TBC1D13: variants seen among roughly 807,000 people sequenced by gnomAD.
TBC1D13 encodes the protein epididymis secretory sperm binding protein.
A neutral mutation model predicts 53.6 loss-of-function variants in TBC1D13; 40 were observed. The observed-to-expected ratio is 0.75, with a 90% CI of 0.58 to 0.97. The LOEUF is 0.97. Among genes scored for constraint, TBC1D13 ranks in the 50% least tolerant of loss-of-function variants. TBC1D13 has a pLI of 0.00. For synonymous variants in TBC1D13, 182 were observed against 197.7 expected (o/e 0.92, Z 0.67); for missense variants, 377 against 499.4 (o/e 0.75, Z 2.34).
At chr9:128,807,748 G>A (rs150344347) in intron 11 of TBC1D13, 66 bp from the exon 12 acceptor site, 19,109 of 1,538,236 alleles carry the variant, frequency 0.012, 218 homozygotes, top group Non-Finnish European at 0.014. Context: ...TCCCAGCAGG[G>A]AGGGTGTGGG....
intron 6 of TBC1D13, among the ~76,000 whole-genome samples, chr9:128,793,005 T>C (rs1829563173): frequency 6.6e-6 from 1 of 152,186 alleles, no homozygotes; most frequent in Non-Finnish European, 1.5e-5. Context: ...TCGTGGTAAA[T>C]GCTCCTGAAG....
intron 9 of TBC1D13, among the ~76,000 whole-genome samples, chr9:128,805,103 T>C (rs1829808633): frequency 6.6e-6 from 1 of 152,130 alleles, no homozygotes; most frequent in East Asian, 1.9e-4. Context: ...CCTAGCACTT[T>C]GGGAGACTGA....
intron 8 of TBC1D13, 75 bp downstream of exon 8, chr9:128,803,535 G>C (rs1054598906): frequency 1.0e-4 from 146 of 1,408,016 alleles, no homozygotes; most frequent in Non-Finnish European, 1.3e-4. Context: ...TCCCTCTCGG[G>C]CCTCTGTTCT....
intron 8 of TBC1D13, 82 bp from the exon 9 acceptor site, chr9:128,803,874 A>C (rs1301461880): frequency 1.3e-6 from 2 of 1,562,680 alleles, no homozygotes; most frequent in Admixed American, 3.5e-5. Flanking sequence ...GGCGGGGCTC[A>C]GAGCAGGGCA....
Position 128,791,588 on chromosome 9 carries a change from C to T in TBC1D13, c.201-6C>T. 1.2e-6 allele frequency: 2 copies of T among 1,614,154 alleles called. No homozygotes were observed. Among genetic ancestry groups the T allele is most frequent in the Non-Finnish European group, 1.7e-6 (2 of 1,179,978 alleles). The stretch of plus-strand genomic sequence containing the variant: ...GGGAATCATCCTTCTCACTTGTCTC[C>T]TGCAGGGAGCTGTATGCCCAGTTCC... On this transcript the variant is annotated splice_polypyrimidine_tract_variant and splice_region_variant and intron_variant, in intron 4 of 11. Coordinates refer to ENST00000372648, the MANE Select transcript of TBC1D13 (RefSeq NM_018201.5).
chr9:128,789,609 A>G (rs2132529320), intron 2 of TBC1D13, among the ~76,000 whole-genome samples: 1 of 152,102 alleles, frequency 6.6e-6, no homozygotes, highest in African/African-American at 2.4e-5. Flanking sequence ...TGAAGATTAA[A>G]TGAAATAATA....
chr9:128,802,616 C>T (rs1018814045), intron 7 of TBC1D13, among the ~76,000 whole-genome samples: 3 of 152,168 alleles, frequency 2.0e-5, no homozygotes, highest in African/African-American at 7.2e-5. Flanking sequence ...CTTGTTTCCT[C>T]ATGGTGGCGT....
rs778964185 is a variant in TBC1D13, at chr9:128,804,038, C to T, written c.837C>T (p.Asp279=). The T allele has an allele frequency of 5.6e-6, 9 of 1,613,972 alleles. No individual in the cohort carries two copies. The African/African-American group carries it at 1.2e-4, about 22-fold the overall frequency. The change falls in exon 9 of 12, where the codon GAC becomes GAT. Residue 279 remains aspartate (D), a synonymous_variant. Coordinates refer to ENST00000372648, the MANE Select transcript of TBC1D13 (RefSeq NM_018201.5). ...ACAACTTTATCAAGAGCCTGGATGA[C>T]TCGCAGTGTGGCATCACCTACAAGA... ...IRDNFIKSLD[D]SQCGITYKME... is the part of the protein sequence containing the mutation.
chr9:128,804,128 C>G lies in TBC1D13; in HGVS notation c.918+9C>G. ...AGCTCTACCTGAAACTGGTGAGGACCCCAGGAACAGACGGGTGGAAAGGGA... is the reference window on the plus strand; with the variant it reads ...AGCTCTACCTGAAACTGGTGAGGACGCCAGGAACAGACGGGTGGAAAGGGA... On this transcript the variant is annotated intron_variant, in intron 9 of 11. Coordinates refer to ENST00000372648, the MANE Select transcript of TBC1D13 (RefSeq NM_018201.5). The G allele has an allele frequency of 6.2e-7, 1 of 1,613,152 alleles. No homozygotes were observed. Among genetic ancestry groups the G allele is most frequent in the Non-Finnish European group, 8.5e-7 (1 of 1,179,600 alleles).
intron 3 of TBC1D13, among the ~76,000 whole-genome samples, chr9:128,791,008 T>C (rs1829523112): frequency 6.6e-6 from 1 of 152,154 alleles, no homozygotes; most frequent in African/African-American, 2.4e-5. Flanking sequence ...TCCTGGTCCG[T>C]GAAGTACAGT....
At position 128,800,274 on chromosome 9, in the gene TBC1D13, C is replaced by T. The variant is rs1285545163; in HGVS notation, c.544-2976C>T. Among the ~76,000 whole-genome samples, 4 of 152,060 alleles carry T rather than the reference C, an allele frequency of 2.6e-5. No individual in the cohort carries two copies. The East Asian group carries it at 7.7e-4, about 29-fold the overall frequency. ...GGCCCAGCACTTGATTTACAAAGTT[C>T]CCAAGGGATCCTGGCAGGCAGCTGG... On this transcript the variant is annotated intron_variant, in intron 7 of 11. Coordinates refer to ENST00000372648, the MANE Select transcript of TBC1D13 (RefSeq NM_018201.5).
chr9:128,790,618 G>T, intron 2 of TBC1D13, 117 bp from the exon 3 acceptor site: 2 of 900,006 alleles, frequency 2.2e-6, no homozygotes, highest in Non-Finnish European at 3.3e-6. Flanking sequence ...TTGGGGAAAT[G>T]ATTCTTGAAG....
chr9:128,787,523 G>T, intron 1 of TBC1D13, 147 bp downstream of exon 1: 1 of 835,886 alleles, frequency 1.2e-6, no homozygotes. Flanking sequence ...TAACCTCATT[G>T]CCTGTGGGCT....
At chr9:128,807,585 G>T (rs776873187) in intron 11 of TBC1D13, among the ~76,000 whole-genome samples, 2 of 152,324 alleles carry the variant, frequency 1.3e-5, no homozygotes, top group African/African-American at 4.8e-5. Flanking sequence ...GGAAAGGGCC[G>T]CAAGAGCCTG....
rs1163088404 is a variant in TBC1D13 at position 128,803,308 on chromosome 9, C to G, written c.602C>G (p.Pro201Arg). 6.2e-7 allele frequency: 1 copy of G among 1,614,184 alleles called. No homozygotes were observed. The highest frequency in any genetic ancestry group is 8.5e-7 in the Non-Finnish European group (1 of 1,180,034). The change falls in exon 8 of 12, where the codon CCC becomes CGC. Residue 201 changes from proline to arginine, a missense_variant. Physicochemically the swap from Pro to Arg is moderately radical, Grantham distance 103 (BLOSUM62 -2). Coordinates refer to ENST00000372648, the MANE Select transcript of TBC1D13 (RefSeq NM_018201.5). ...TCCCTAAATGAGTATGAGGTGCTGCCCAATGGCTGTGAGGCCCACTGGGAG... is the reference window on the plus strand; with the variant it reads ...TCCCTAAATGAGTATGAGGTGCTGCGCAATGGCTGTGAGGCCCACTGGGAG... ...PSSLNEYEVL[P>R]NGCEAHWEVV...
intron 11 of TBC1D13, among the ~76,000 whole-genome samples, chr9:128,807,210 C>T (rs779265468): frequency 4.6e-5 from 7 of 151,680 alleles, no homozygotes; most frequent in Non-Finnish European, 1.0e-4. Flanking sequence ...CCTTAGCCTC[C>T]CGAGTAGCTG....
chr9:128,807,066 G>C (rs10988124), intron 11 of TBC1D13, among the ~76,000 whole-genome samples: 1 of 151,140 alleles, frequency 6.6e-6, no homozygotes. Context: ...TCACCAGCAC[G>C]TGGCCTTAGT....
chr9:128,806,155 G>GC (rs1829828697), intron 10 of TBC1D13, 99 bp from the exon 11 acceptor site: 3 of 1,599,980 alleles, frequency 1.9e-6, no homozygotes, highest in Non-Finnish European at 1.7e-6. Flanking sequence ...CCTTGGGAGG[G>GC]CGACAAACCA....
At chr9:128,788,873 G>A (rs998765264) in intron 2 of TBC1D13, among the ~76,000 whole-genome samples, 2 of 152,168 alleles carry the variant, frequency 1.3e-5, no homozygotes, top group Admixed American at 6.6e-5. Flanking sequence ...GGTAAAATGG[G>A]TAGCCTTGGG....
Sources: gnomAD v4.1 joint callset for allele counts (sites outside exome capture counted in the v4.1 genomes callset) on GRCh38, gnomAD v4.1.1 for gene constraint, MANE v1.5 for transcripts, NCBI Gene and HGNC (gene_info 2026-07-23, HGNC 2026-07-21) for gene names.